The following PCDHA9 variants were observed in gnomAD, a reference collection of about 807,000 sequenced individuals.
PCDHA9 encodes the protein protocadherin alpha 9, also known as protocadherin alpha-9.
In PCDHA9, 62 loss-of-function variants were observed where a neutral mutation model predicts 62.0. The ratio of observed to expected loss-of-function variants is 1.00; its 90% CI spans 0.81 to 1.23. The LOEUF (loss-of-function observed/expected upper bound fraction) is 1.23. Among genes scored for constraint, PCDHA9 ranks in the 50% most tolerant of loss-of-function variants. The pLI is 0.00. For synonymous variants in PCDHA9, 557 were observed against 567.6 expected (o/e 0.98, Z 0.27); for missense variants, 1,205 against 1,249.8 (o/e 0.96, Z 0.54).
In PCDHA9 at chr5:141,011,713, T is replaced by G. The variant is rs1198989870; in HGVS notation, c.*1776T>G. 6.5e-6 allele frequency: 1 copy of G among 153,774 alleles called. No individual in the cohort carries two copies. The highest frequency in any genetic ancestry group is 1.5e-5 in the Non-Finnish European group (1 of 68,048). 9.5% of individuals were successfully genotyped at this position (153,774 alleles called of 1,614,324 possible). On this transcript the variant is annotated 3_prime_UTR_variant, in exon 4 of 4. Coordinates refer to ENST00000532602, the MANE Select transcript of PCDHA9 (RefSeq NM_031857.2). Reference sequence around the variant, plus strand: ...ATTTTGGAATGAATACTGACAATATTCCATGAGGGTGTGCAAGCACAAATT... The same window carrying G: ...ATTTTGGAATGAATACTGACAATATGCCATGAGGGTGTGCAAGCACAAATT...
At chr5:140,860,259 A>T (rs559860776) in intron 1 of PCDHA9, 1 of 151,706 alleles carries the variant, frequency 6.6e-6, no homozygotes. Flanking sequence ...TTTAGTCCCT[A>T]CTGTAGTGCT....
At chr5:140,903,982 T>G (rs782635653) in intron 1 of PCDHA9, among the ~76,000 whole-genome samples, 5 of 152,232 alleles carry the variant, frequency 3.3e-5, no homozygotes, top group African/African-American at 4.8e-5. Flanking sequence ...CTATTCACAA[T>G]GTAACAGCTA....
chr5:140,853,840 A>G, intron 1 of PCDHA9: 1 of 986,846 alleles, frequency 1.0e-6, no homozygotes, highest in Non-Finnish European at 1.2e-6. Flanking sequence ...GAAATTTTAG[A>G]TCCATAGCCC....
Position 140,854,738 on chromosome 5 carries a change from G to A in PCDHA9, c.2394+3849G>A, listed in dbSNP as rs894422305. The A allele has an allele frequency of 8.7e-5, 13 of 149,392 alleles. 1 individual carries two copies. The East Asian group carries it at 2.5e-3, about 29-fold the overall frequency. 9.3% of individuals were successfully genotyped at this position (149,392 alleles called of 1,614,324 possible). On this transcript the variant is annotated intron_variant, in intron 1 of 3. Coordinates refer to ENST00000532602, the MANE Select transcript of PCDHA9 (RefSeq NM_031857.2). ...CAGAAAACTCAAGTTTTTTTCAGCA[G>A]CACAGATATATTACATTTTCATTCC...
chr5:140,848,526 G>T lies in PCDHA9; in HGVS notation c.31G>T (p.Gly11Cys). 1.9e-6 allele frequency: 3 copies of T among 1,594,384 alleles called. No individual in the cohort carries two copies. Among genetic ancestry groups the T allele is most frequent in the Non-Finnish European group, 2.6e-6 (3 of 1,164,792 alleles). ...ATACTCAAGTCGAGGAGATCCAGAGGGTCAGCCTCTACTGCTCTCGCTTCT... is the reference window on the plus strand; with the variant it reads ...ATACTCAAGTCGAGGAGATCCAGAGTGTCAGCCTCTACTGCTCTCGCTTCT... MLYSSRGDPE[G>C]QPLLLSLLIL... The change falls in exon 1 of 4, where the codon GGT becomes TGT. Residue 11 changes from glycine (G) to cysteine (C), a missense_variant. Coordinates refer to ENST00000532602, the MANE Select transcript of PCDHA9 (RefSeq NM_031857.2).
At position 140,982,483 on chromosome 5, in the gene PCDHA9, A is replaced by C. The variant is rs1554244276; in HGVS notation, c.2462A>C (p.His821Pro). 1.2e-5 allele frequency: 20 copies of C among 1,614,142 alleles called. No homozygotes were observed. In the South Asian group the frequency reaches 1.9e-4, roughly 15 times the overall value. The stretch of plus-strand genomic sequence containing the variant: ...TCTGTGTGTTTATTCAGCTCTGTGC[A>C]CCTAGAGGAGGCTGGCATTCTACGG... ...SLRAGMHSSV[H>P]LEEAGILRAG... The change falls in exon 3 of 4, where the codon CAC becomes CCC. Residue 821 changes from histidine to proline, a missense_variant. By Grantham distance (77) the His-to-Pro change is moderately conservative. Coordinates refer to ENST00000532602, the MANE Select transcript of PCDHA9 (RefSeq NM_031857.2).
At chr5:140,974,240 A>G (rs1554235899) in intron 1 of PCDHA9, among the ~76,000 whole-genome samples, 1 of 152,188 alleles carries the variant, frequency 6.6e-6, no homozygotes, top group African/African-American at 2.4e-5. Context: ...CTTGGCATAT[A>G]AGCACCATCA....
chr5:140,980,294 A>G (rs1325974235), intron 2 of PCDHA9, among the ~76,000 whole-genome samples: 1 of 152,234 alleles, frequency 6.6e-6, no homozygotes, highest in Non-Finnish European at 1.5e-5. Context: ...TACCAAAGCT[A>G]TGAGTTGTGC....
Position 140,873,523 on chromosome 5 carries a change from G to A in PCDHA9, c.2394+22634G>A, listed in dbSNP as rs1371984958. 2.0e-5 allele frequency among the ~76,000 whole-genome samples: 3 copies of A among 152,090 alleles called. No homozygotes were observed. In the East Asian group the frequency reaches 5.8e-4, roughly 29 times the overall value. ...GTCTTTTATACTTAATGCCAAGATTGCATTCTATGGTATAAAATTATAATT... is the reference window on the plus strand; with the variant it reads ...GTCTTTTATACTTAATGCCAAGATTACATTCTATGGTATAAAATTATAATT... On this transcript the variant is annotated intron_variant, in intron 1 of 3. Transcript: ENST00000532602.
intron 1 of PCDHA9, chr5:140,966,561 G>T: frequency 2.0e-6 from 1 of 488,962 alleles, no homozygotes; most frequent in African/African-American, 2.0e-5. Flanking sequence ...GGAGGAGCTG[G>T]AATATGGGGA....
At chr5:140,945,369 A>T (rs2153669585) in intron 1 of PCDHA9, among the ~76,000 whole-genome samples, 1 of 152,234 alleles carries the variant, frequency 6.6e-6, no homozygotes, top group African/African-American at 2.4e-5. Flanking sequence ...TAAAATGTCC[A>T]TATTACCCAA....
intron 3 of PCDHA9, among the ~76,000 whole-genome samples, chr5:141,002,433 A>G (rs2098079655): frequency 6.6e-6 from 1 of 152,258 alleles, no homozygotes; most frequent in East Asian, 1.9e-4. Context: ...ACAGGCAATA[A>G]CCATAATAAT....
intron 1 of PCDHA9, among the ~76,000 whole-genome samples, chr5:140,961,947 G>A (rs1183967245): frequency 6.6e-6 from 1 of 150,956 alleles, no homozygotes; most frequent in Non-Finnish European, 1.5e-5. Flanking sequence ...GCAGTGGCAT[G>A]ATCTCGGCTC....
intron 1 of PCDHA9, 133 bp downstream of exon 1, chr5:140,851,022 TA>T: frequency 7.0e-7 from 1 of 1,428,364 alleles, no homozygotes; most frequent in Non-Finnish European, 9.2e-7. Flanking sequence ...TCTGATAAAG[TA>T]AACCCCTTAA....
chr5:140,911,040 A>G (rs970284436), intron 1 of PCDHA9, among the ~76,000 whole-genome samples: 15 of 152,034 alleles, frequency 9.9e-5, no homozygotes, highest in Non-Finnish European at 2.2e-4. Context: ...CTAGAAGCAA[A>G]CAGGGGTGGT....
rs782316296 is a variant in PCDHA9 at position 140,927,382 on chromosome 5, AG to A, written c.2395-51566del. Reference sequence around the variant, plus strand: ...CAATGGGATACTAAGCTACAGCCTAAGCCCCAGTCAGCACTTTCGCCTGGAC... The same window carrying A: ...CAATGGGATACTAAGCTACAGCCTAACCCCAGTCAGCACTTTCGCCTGGAC... On this transcript the variant is annotated intron_variant, in intron 1 of 3. Coordinates refer to ENST00000532602, the MANE Select transcript of PCDHA9 (RefSeq NM_031857.2). 6 of 1,614,012 alleles carry A rather than the reference AG, an allele frequency of 3.7e-6. No homozygotes were observed. The African/African-American group carries it at 8.0e-5, about 22-fold the overall frequency.
rs144119560 is a variant in PCDHA9 at position 140,883,581 on chromosome 5, C to G, written c.2394+32692C>G. ...GGGGGCTCGCCTTCGCTGTGGGCCACGGCCAGCGTGTCGGTGGGGGTGGCC... is the reference window on the plus strand; with the variant it reads ...GGGGGCTCGCCTTCGCTGTGGGCCAGGGCCAGCGTGTCGGTGGGGGTGGCC... On this transcript the variant is annotated intron_variant, in intron 1 of 3. Coordinates refer to ENST00000532602, the MANE Select transcript of PCDHA9 (RefSeq NM_031857.2). 2.6e-4 allele frequency: 420 copies of G among 1,614,018 alleles called. 1 individual carries two copies. In the African/African-American group the frequency reaches 5.3e-3, roughly 20 times the overall value.
chr5:140,873,568 G>T (rs1319513835), intron 1 of PCDHA9, among the ~76,000 whole-genome samples: 1 of 149,090 alleles, frequency 6.7e-6, no homozygotes, highest in East Asian at 1.9e-4. Context: ...TTTCTAGTTT[G>T]GTTGTTTAAG....
chr5:140,870,805 C>T, intron 1 of PCDHA9: 4 of 1,613,712 alleles, frequency 2.5e-6, no homozygotes, highest in Non-Finnish European at 3.4e-6. Flanking sequence ...GCTGGCGACT[C>T]AGGCTGGCAG....
Sources: allele counts gnomAD v4.1 joint callset (sites outside exome capture counted in the v4.1 genomes callset), GRCh38; gene constraint gnomAD v4.1.1; transcripts MANE v1.5; gene names NCBI Gene and HGNC (gene_info 2026-07-23, HGNC 2026-07-21).